The following PAXIP1 variants were observed in gnomAD, a reference collection of about 807,000 sequenced individuals.
The protein encoded by PAXIP1 is PAX-interacting protein 1.
A neutral mutation model predicts 140.6 loss-of-function variants in PAXIP1; 19 were observed. The observed-to-expected ratio is 0.14, with a 90% CI of 0.09 to 0.20. The LOEUF is 0.20. Ranked by LOEUF, PAXIP1 falls within the 10% of genes least tolerant of loss-of-function variation. The probability of loss-of-function intolerance (pLI) is 1.00; values close to 1 mark genes in which losing one functional copy is unlikely to be tolerated. For synonymous variants in PAXIP1, 442 were observed against 444.6 expected, an observed-to-expected ratio of 0.99 and a Z score of 0.07; for missense variants, 920 against 1,208.6, an observed-to-expected ratio of 0.76 and a Z score of 3.54.
chr7:154,948,653 TA>T (rs1331395565), intron 16 of PAXIP1: 3 of 151,746 alleles, frequency 2.0e-5, no homozygotes, highest in African/African-American at 7.3e-5. Flanking sequence ...CTCCCCTCTT[TA>T]CCCCCCGACT....
chr7:154,974,975 T>C (rs1809500869), intron 6 of PAXIP1, among the ~76,000 whole-genome samples: 1 of 140,130 alleles, frequency 7.1e-6, no homozygotes, highest in Non-Finnish European at 1.5e-5. Context: ...TGAAACTCTG[T>C]CTCTACTAAA....
chr7:154,953,666 G>GA (rs967325467), intron 16 of PAXIP1, among the ~76,000 whole-genome samples: 5 of 151,886 alleles, frequency 3.3e-5, no homozygotes, highest in Admixed American at 3.3e-4. Context: ...CCTCCATGAA[G>GA]AAAAAAAATT....
intron 16 of PAXIP1, among the ~76,000 whole-genome samples, chr7:154,952,348 TAGCCGGGAGGAACAAGGCCA>T (rs1329968943): frequency 6.6e-6 from 1 of 152,236 alleles, no homozygotes; most frequent in Non-Finnish European, 1.5e-5. Context: ...TGAACGTTCC[TAGCCGGGAGGAACAAGGCCA>T]TGCCTTGCCT....
intron 12 of PAXIP1, among the ~76,000 whole-genome samples, chr7:154,960,622 G>C (rs1006596813): frequency 6.6e-6 from 1 of 152,206 alleles, no homozygotes; most frequent in Admixed American, 6.5e-5. Context: ...GCTGCAGTGA[G>C]TCATGATCAC....
intron 4 of PAXIP1, 22 bp downstream of exon 4, chr7:154,990,984 G>C: frequency 6.8e-7 from 1 of 1,473,038 alleles, no homozygotes; most frequent in Non-Finnish European, 9.2e-7. Flanking sequence ...AATAACTCAA[G>C]ACTAACTGTA....
At chr7:154,996,141 C>CTAT (rs1282665344) in intron 2 of PAXIP1, among the ~76,000 whole-genome samples, 2 of 152,158 alleles carry the variant, frequency 1.3e-5, no homozygotes, top group Non-Finnish European at 2.9e-5. Context: ...TCAGACTCAA[C>CTAT]TATTAGCAGC....
At chr7:154,992,263 C>A (rs537782809) in intron 3 of PAXIP1, among the ~76,000 whole-genome samples, 2 of 152,110 alleles carry the variant, frequency 1.3e-5, no homozygotes, top group Non-Finnish European at 2.9e-5. Flanking sequence ...AAGAAGATCC[C>A]AGTGGCTGGG....
chr7:154,996,560 G>A (rs957990246), intron 2 of PAXIP1, among the ~76,000 whole-genome samples: 1 of 152,162 alleles, frequency 6.6e-6, no homozygotes, highest in African/African-American at 2.4e-5. Flanking sequence ...GTTTAGCTCA[G>A]GAATTGATCA....
chr7:154,962,382 G>A lies in PAXIP1; in HGVS notation c.2066C>T (p.Pro689Leu), dbSNP rs1437753030. 1 of 1,611,430 alleles carries A rather than the reference G, an allele frequency of 6.2e-7. No homozygotes were observed. ...CACTGGGAAGTGAAGGGCTCGGTGC[G>A]GCGGTACCATTTTCTTCTTCTTTAA... ...TVLKKKKMVP[P>L]HRALHFPVAF... The change falls in exon 10 of 21, where the codon CCG becomes CTG. Residue 689 changes from proline to leucine, a missense_variant. By Grantham distance (98) the Pro-to-Leu change is moderately conservative. Transcript: ENST00000404141.
chr7:154,950,434 G>C (rs1338553749), intron 16 of PAXIP1: 1 of 152,200 alleles, frequency 6.6e-6, no homozygotes, highest in Non-Finnish European at 1.5e-5. Context: ...GAAGTAACCT[G>C]GACCTCACCT....
intron 16 of PAXIP1, chr7:154,951,239 G>C (rs1401708106): frequency 6.6e-6 from 1 of 152,228 alleles, no homozygotes; most frequent in Non-Finnish European, 1.5e-5. Flanking sequence ...GAGCCCTAAT[G>C]TAACTATGGA....
intron 6 of PAXIP1, among the ~76,000 whole-genome samples, chr7:154,969,806 C>T (rs1229334069): frequency 6.6e-5 from 10 of 152,142 alleles, no homozygotes; most frequent in African/African-American, 1.2e-4. Flanking sequence ...AAGACACCAC[C>T]GGGGCTGTTT....
intron 12 of PAXIP1, 80 bp from the exon 13 acceptor site, chr7:154,960,013 T>A (rs1808689098): frequency 1.1e-6 from 1 of 870,166 alleles, no homozygotes; most frequent in Non-Finnish European, 2.0e-6. Context: ...TCTTCCCTGA[T>A]AATCCTCACC....
At chr7:154,996,003 TGATA>T (rs1419872299) in intron 2 of PAXIP1, among the ~76,000 whole-genome samples, 6 of 152,236 alleles carry the variant, frequency 3.9e-5, no homozygotes, top group African/African-American at 7.2e-5. Flanking sequence ...AATATGTAAA[TGATA>T]GATAAACTGT....
chr7:154,966,625 T>C (rs1248608140), intron 8 of PAXIP1, among the ~76,000 whole-genome samples: 1 of 152,220 alleles, frequency 6.6e-6, no homozygotes, highest in African/African-American at 2.4e-5. Flanking sequence ...CTTCGAACAC[T>C]TCTGACTTTT....
intron 8 of PAXIP1, chr7:154,965,412 G>C (rs1217623955): frequency 1.3e-5 from 2 of 152,354 alleles, no homozygotes; most frequent in East Asian, 3.9e-4. Flanking sequence ...TAAGCCACTG[G>C]GTTTTGAGAT....
At position 154,946,905 on chromosome 7, in the gene PAXIP1, G is replaced by T; in HGVS notation, c.2923-92C>A. The stretch of plus-strand genomic sequence containing the variant: ...TCATAGATTCTGCCCTGAGATTTTT[G>T]ACAAAATTTCAAATTTTATGACATT... On this transcript the variant is annotated intron_variant, in intron 17 of 20. Transcript: ENST00000404141. The surrounding 1 kb of genome is among the most constrained non-coding windows in gnomAD (Gnocchi z 4.9). The T allele has an allele frequency of 9.8e-7, 1 of 1,023,200 alleles. No homozygotes were observed. Among genetic ancestry groups the T allele is most frequent in the Non-Finnish European group, 1.4e-6 (1 of 713,172 alleles). The allele number at this position is 1,023,200 out of a possible 1,614,324, so 63.4% of individuals were successfully genotyped here. A position where few individuals can be genotyped will look rare whatever the true frequency, so the allele number is the denominator to read the frequency against.
intron 8 of PAXIP1, 76 bp downstream of exon 8, chr7:154,967,735 CAGCTA>C: frequency 1.1e-6 from 1 of 913,166 alleles, no homozygotes; most frequent in Non-Finnish European, 1.8e-6. Context: ...TCAGTGAATG[CAGCTA>C]AGTGAACACA....
chr7:154,993,609 G>T, intron 3 of PAXIP1, 117 bp downstream of exon 3: 1 of 777,672 alleles, frequency 1.3e-6, no homozygotes, highest in Non-Finnish European at 2.1e-6. Flanking sequence ...ATAAGATGTA[G>T]ACAAAACAAT....
Sources: gnomAD v4.1 joint callset for allele counts (sites outside exome capture counted in the v4.1 genomes callset) on GRCh38, gnomAD v4.1.1 for gene constraint, Gnocchi (gnomAD v3.1) non-coding constraint, MANE v1.5 for transcripts, NCBI Gene and HGNC (gene_info 2026-07-23, HGNC 2026-07-21) for gene names.